Variants in AK9 observed in about 807,000 individuals in gnomAD.
AK9 encodes the protein adenylate kinase domain containing 1.
Under a neutral mutation model 239.6 loss-of-function variants are expected in AK9, and 191 were observed. The ratio of observed to expected loss-of-function variants is 0.80; its 90% CI spans 0.71 to 0.90. AK9 has a LOEUF of 0.90. Ranked by LOEUF, AK9 falls within the 40% of genes least tolerant of loss-of-function variation. The pLI is 0.00. For synonymous variants in AK9, 689 were observed against 721.0 expected (o/e 0.96, Z 0.71); for missense variants, 1,995 against 2,214.7 (o/e 0.90, Z 1.99).
intron 12 of AK9, among the ~76,000 whole-genome samples, chr6:109,620,077 G>A (rs562791465): frequency 7.2e-5 from 11 of 152,102 alleles, no homozygotes; most frequent in Admixed American, 6.6e-5. Context: ...TTTGGGTTGT[G>A]TTCTAGGTTT....
intron 9 of AK9, among the ~76,000 whole-genome samples, chr6:109,642,714 A>T (rs889698108): frequency 6.6e-6 from 1 of 152,176 alleles, no homozygotes; most frequent in African/African-American, 2.4e-5. Context: ...AAAAAAGTCA[A>T]GGAGGGCAGC....
At chr6:109,660,892 T>A (rs970471164) in intron 6 of AK9, 4 of 462,370 alleles carry the variant, frequency 8.7e-6, no homozygotes, top group Non-Finnish European at 1.7e-5. Context: ...CACTCTCTGA[T>A]AACTACTGCT....
chr6:109,598,134 T>C (rs1227690388), intron 17 of AK9, among the ~76,000 whole-genome samples: 1 of 152,176 alleles, frequency 6.6e-6, no homozygotes, highest in Non-Finnish European at 1.5e-5. Flanking sequence ...GCAGGTTTGT[T>C]ACATATGTAC....
At position 109,592,773 on chromosome 6, in the gene AK9, C is replaced by T. The variant is rs892527569; in HGVS notation, c.1843-6701G>A. On this transcript the variant is annotated intron_variant, in intron 17 of 40. Transcript: ENST00000424296. ...ATTTTTTTTTATAAGTGATTAGATG[C>T]TTCTCTCTTTCTGATTTTAGGATTT... Among the ~76,000 whole-genome samples the T allele has an allele frequency of 2.9e-5, 4 of 140,216 alleles. No homozygotes were observed. The South Asian group carries it at 1.1e-3, about 39-fold the overall frequency. The allele number at this position is 140,216 out of a possible 152,430, so 92.0% of individuals were successfully genotyped here.
At chr6:109,649,521 T>G (rs1798596937) in intron 8 of AK9, among the ~76,000 whole-genome samples, 1 of 152,140 alleles carries the variant, frequency 6.6e-6, no homozygotes, top group South Asian at 2.1e-4. Flanking sequence ...GGAATCCAAC[T>G]TACAAGGGAT....
intron 12 of AK9, among the ~76,000 whole-genome samples, chr6:109,629,641 T>C (rs1298740116): frequency 5.9e-5 from 9 of 151,922 alleles, no homozygotes; most frequent in Non-Finnish European, 1.2e-4. Context: ...AAAAATTTTT[T>C]TTTTTTTTTG....
intron 15 of AK9, 65 bp from the exon 16 acceptor site, chr6:109,612,158 G>A: frequency 1.8e-6 from 2 of 1,111,680 alleles, no homozygotes; most frequent in South Asian, 1.5e-5. Flanking sequence ...GATTCCCAAG[G>A]AAGATTGTAA....
At chr6:109,599,616 T>G (rs551190512) in intron 17 of AK9, among the ~76,000 whole-genome samples, 1 of 152,196 alleles carries the variant, frequency 6.6e-6, no homozygotes, top group South Asian at 2.1e-4. Flanking sequence ...GTGAAGAAAG[T>G]CATTGGTAGC....
chr6:109,568,848 TA>T (rs1282193813), intron 21 of AK9, among the ~76,000 whole-genome samples: 1 of 152,132 alleles, frequency 6.6e-6, no homozygotes, highest in Non-Finnish European at 1.5e-5. Flanking sequence ...AAAATGGCCA[TA>T]CTGCCCAAAG....
chr6:109,502,979 G>GTT (rs1329747010), intron 35 of AK9, among the ~76,000 whole-genome samples: 1 of 149,512 alleles, frequency 6.7e-6, no homozygotes, highest in Non-Finnish European at 1.5e-5. Context: ...GTGTGTGTGT[G>GTT]TGTGTGTGTG....
At position 109,493,483 on chromosome 6, in the gene AK9, G is replaced by A. The variant is rs753501904; in HGVS notation, c.5622C>T (p.Tyr1874=). ...ATTTTCTGGTCATCTTGGCACCCAA[G>A]TATGTTATGAGTTCACAACTCTCCA... ...QFMESCELIT[Y]LGAKMTRKYK... The change falls in exon 41 of 41, where the codon TAC becomes TAT. Residue 1874 remains tyrosine (Y), a synonymous_variant. Transcript: ENST00000424296. 2 of 1,614,094 alleles carry A rather than the reference G, an allele frequency of 1.2e-6. No homozygotes were observed. Among genetic ancestry groups the A allele is most frequent in the South Asian group, 2.2e-5 (2 of 91,082 alleles).
Position 109,577,005 on chromosome 6 carries a change from T to C in AK9, c.2191+2545A>G, listed in dbSNP as rs938143640. ...GCCACCACGCCCGGCTAATTTTTTG[T>C]ATTTTTAGTAGAGACGGGGTTTCAC... On this transcript the variant is annotated intron_variant, in intron 20 of 40. Transcript: ENST00000424296. Among the ~76,000 whole-genome samples the C allele has an allele frequency of 3.9e-5, 6 of 152,054 alleles. No individual in the cohort carries two copies. The East Asian group carries it at 5.8e-4, about 15-fold the overall frequency.
chr6:109,640,459 A>G (rs987330428), intron 10 of AK9, among the ~76,000 whole-genome samples: 5 of 152,244 alleles, frequency 3.3e-5, no homozygotes, highest in East Asian at 3.9e-4. Context: ...ACCAGTCCCA[A>G]TGAGATGAAC....
chr6:109,582,137 C>T (rs2128208592), intron 19 of AK9, among the ~76,000 whole-genome samples: 2 of 152,216 alleles, frequency 1.3e-5, no homozygotes, highest in South Asian at 2.1e-4. Flanking sequence ...AGATAGTCAC[C>T]CAAGAGCTCT....
chr6:109,652,487 T>TAAACATTAACA (rs1272154530), intron 8 of AK9, among the ~76,000 whole-genome samples: 5 of 152,274 alleles, frequency 3.3e-5, no homozygotes, highest in African/African-American at 1.2e-4. Flanking sequence ...CTTAACATTA[T>TAAACATTAACA]AACTAAACTT....
At chr6:109,603,521 G>GA in intron 17 of AK9, among the ~76,000 whole-genome samples, 1 of 152,208 alleles carries the variant, frequency 6.6e-6, no homozygotes, top group South Asian at 2.1e-4. Context: ...TGGGGGTCAG[G>GA]GACCCACTTG....
At chr6:109,630,158 T>G (rs1001425271) in intron 12 of AK9, among the ~76,000 whole-genome samples, 1 of 152,114 alleles carries the variant, frequency 6.6e-6, no homozygotes, top group African/African-American at 2.4e-5. Context: ...AAGTTTTAAT[T>G]AGTTAAAAAT....
chr6:109,690,148 A>T (rs1774126007), intron 1 of AK9, among the ~76,000 whole-genome samples: 1 of 152,106 alleles, frequency 6.6e-6, no homozygotes, highest in African/African-American at 2.4e-5. Flanking sequence ...GTTTCCTTAC[A>T]CTTAGCAGTT....
intron 20 of AK9, among the ~76,000 whole-genome samples, chr6:109,576,912 C>T (rs1343446951): frequency 1.3e-5 from 2 of 151,492 alleles, no homozygotes; most frequent in African/African-American, 2.4e-5. Context: ...CTCATTGCAA[C>T]CTCCACCTCC....
Sources: gnomAD v4.1 joint callset for allele counts (sites outside exome capture counted in the v4.1 genomes callset) on GRCh38, gnomAD v4.1.1 for gene constraint, MANE v1.5 for transcripts, NCBI Gene and HGNC (gene_info 2026-07-23, HGNC 2026-07-21) for gene names.